MCM10: variants seen among roughly 807,000 people sequenced by gnomAD.
The protein encoded by MCM10 is minichromosome maintenance 10 replication initiation factor.
In MCM10, 91 loss-of-function variants were observed where a neutral mutation model predicts 109.9. The observed-to-expected ratio is 0.83, with a 90% confidence interval of 0.70 to 0.99. The LOEUF (loss-of-function observed/expected upper bound fraction) is 0.99, where lower values mean the gene tolerates loss of function less well. MCM10 is among the 50% of genes least tolerant of loss of function. The pLI is 0.00. For synonymous variants in MCM10, 380 were observed against 387.2 expected (o/e 0.98, Z 0.22); for missense variants, 1,077 against 1,061.2 (o/e 1.01, Z -0.21).
intron 2 of MCM10, among the ~76,000 whole-genome samples, chr10:13,170,270 GTTAT>G (rs1214950619): frequency 6.6e-6 from 1 of 152,108 alleles, no homozygotes; most frequent in Non-Finnish European, 1.5e-5. Flanking sequence ...TCTGGAAGGT[GTTAT>G]TTAATGTTAA....
At chr10:13,188,582 G>C (rs577067055) in intron 9 of MCM10, among the ~76,000 whole-genome samples, 17 of 152,040 alleles carry the variant, frequency 1.1e-4, no homozygotes, top group Non-Finnish European at 2.4e-4. Context: ...ATAGGACCTT[G>C]TGTGTCTGAC....
chr10:13,206,521 G>A (rs968708728), intron 18 of MCM10, among the ~76,000 whole-genome samples: 1 of 152,076 alleles, frequency 6.6e-6, no homozygotes. Context: ...CCAGGAAGCC[G>A]GGCTAGTTCA....
Position 13,171,451 on chromosome 10 carries a change from C to T in MCM10, c.349+188C>T, listed in dbSNP as rs369209149. 3.9e-5 allele frequency among the ~76,000 whole-genome samples: 6 copies of T among 152,304 alleles called. No individual in the cohort carries two copies. In the East Asian group the frequency reaches 1.2e-3, roughly 29 times the overall value. On this transcript the variant is annotated intron_variant, in intron 3 of 19. Transcript: ENST00000378714. ...GTTTGGGCCAGCATTTCAGCACAAA[C>T]TATAGACTCTATCAGTGTCAGCCAG...
Position 13,182,998 on chromosome 10 carries a change from C to G in MCM10, c.996C>G (p.Phe332Leu). Residue 332 changes from phenylalanine (F) to leucine (L), a missense_variant, in exon 8 of 20, where the codon TTC becomes TTG. By Grantham distance (22) the Phe-to-Leu change is conservative. Coordinates refer to ENST00000378714, the MANE Select transcript of MCM10 (RefSeq NM_018518.5). The surrounding 1 kb of genome is among the most constrained non-coding windows in gnomAD (Gnocchi z 4.2). Reference protein sequence around the residue: ...LRDLTQCVSLFLFGEVHKALW... With the variant: ...LRDLTQCVSLLLFGEVHKALW... The stretch of plus-strand genomic sequence containing the variant: ...ACCTGACACAATGTGTGTCCTTGTT[C>G]TTATTTGGAGAAGTTCACAAAGCGC... 1 of 1,614,072 alleles carries G rather than the reference C, an allele frequency of 6.2e-7. No homozygotes were observed. Among genetic ancestry groups the G allele is most frequent in the Non-Finnish European group, 8.5e-7 (1 of 1,180,014 alleles).
intron 14 of MCM10, among the ~76,000 whole-genome samples, chr10:13,196,237 G>C (rs532126256): frequency 5.3e-5 from 8 of 152,028 alleles, no homozygotes; most frequent in Middle Eastern, 3.4e-3. Flanking sequence ...TTACACAAAA[G>C]TCCAGTCCCA....
Position 13,180,597 on chromosome 10 carries a change from G to A in MCM10, c.920G>A (p.Ser307Asn). Residue 307 changes from serine to asparagine, a missense_variant, in exon 7 of 20, where the codon AGT (serine) becomes AAT (asparagine). By Grantham distance (46) the Ser-to-Asn change is conservative (BLOSUM62 1). Coordinates refer to ENST00000378714, the MANE Select transcript of MCM10 (RefSeq NM_018518.5). Reference sequence around the variant, plus strand: ...ATATTGAAGAAGGTTACGCCACAGAGTGTGAATAGTGTAAGCCATTGTATT... The same window carrying A: ...ATATTGAAGAAGGTTACGCCACAGAATGTGAATAGTGTAAGCCATTGTATT... ...GVILKKVTPQ[S>N]VNSGKTFSIW... The A allele has an allele frequency of 2.5e-6, 4 of 1,614,124 alleles. No homozygotes were observed. Among genetic ancestry groups the A allele is most frequent in the Non-Finnish European group, 3.4e-6 (4 of 1,180,020 alleles).
intron 16 of MCM10, 89 bp downstream of exon 16, chr10:13,198,896 GT>G: frequency 2.4e-6 from 2 of 843,718 alleles, no homozygotes; most frequent in Non-Finnish European, 3.8e-6. Context: ...TGTGTTGTTT[GT>G]TTTATTTTGT....
intron 7 of MCM10, among the ~76,000 whole-genome samples, chr10:13,180,941 G>A (rs1290298413): frequency 1.3e-5 from 2 of 152,190 alleles, no homozygotes; most frequent in African/African-American, 4.8e-5. Flanking sequence ...AACCAAAGAG[G>A]CTGAGCTCAC....
At chr10:13,168,106 C>T (rs1483158036) in intron 2 of MCM10, among the ~76,000 whole-genome samples, 1 of 152,186 alleles carries the variant, frequency 6.6e-6, no homozygotes, top group African/African-American at 2.4e-5. Flanking sequence ...CCACCTGTGG[C>T]CCCCAGTGGT....
In MCM10 at chr10:13,209,646, T is replaced by G. The variant is rs1834632359; in HGVS notation, c.*336T>G. Reference sequence around the variant, plus strand: ...TTTTGGTTATAGAGTGTTCACTTCTTTATCATAACAAAATTCTAGTGTTTA... The same window carrying G: ...TTTTGGTTATAGAGTGTTCACTTCTGTATCATAACAAAATTCTAGTGTTTA... On this transcript the variant is annotated 3_prime_UTR_variant, in exon 20 of 20. Coordinates refer to ENST00000378714, the MANE Select transcript of MCM10 (RefSeq NM_018518.5). 1.2e-5 allele frequency: 3 copies of G among 259,652 alleles called. No homozygotes were observed. The South Asian group carries it at 2.1e-4, about 19-fold the overall frequency. The allele number at this position is 259,652 out of a possible 1,614,324, so 16.1% of individuals were successfully genotyped here.
rs766602619 is a variant in MCM10 at position 13,188,975 on chromosome 10, G to A, written c.1310G>A (p.Arg437Gln). The part of the protein sequence containing the change: ...ADLQSTFSGG[R>Q]IPKKFARRGT... ...CTGCAGTCCACCTTCTCTGGAGGACGAATTCCAAAGAAGTTTGCCCGCAGA... is the reference window on the plus strand; with the variant it reads ...CTGCAGTCCACCTTCTCTGGAGGACAAATTCCAAAGAAGTTTGCCCGCAGA... The change falls in exon 10 of 20, where the codon CGA becomes CAA. Residue 437 changes from arginine (R) to glutamine (Q), a missense_variant. Transcript: ENST00000378714. 3.7e-6 allele frequency: 6 copies of A among 1,614,202 alleles called. No homozygotes were observed. The highest frequency in any genetic ancestry group is 3.3e-5 in the Admixed American group (2 of 60,004).
At chr10:13,170,801 A>T (rs1052174924) in intron 2 of MCM10, 121 bp from the exon 3 acceptor site, 4 of 722,840 alleles carry the variant, frequency 5.5e-6, no homozygotes, top group Non-Finnish European at 9.1e-6. Context: ...TCACCCAGGT[A>T]ATGAGCATTG....
intron 13 of MCM10, among the ~76,000 whole-genome samples, chr10:13,193,620 C>A (rs188426411): frequency 0.017 from 2,650 of 152,192 alleles, 62 homozygotes; most frequent in African/African-American, 0.047. Context: ...AATGATAAGA[C>A]AAGAGGAAAT....
At chr10:13,169,997 C>A (rs530683796) in intron 2 of MCM10, among the ~76,000 whole-genome samples, 2 of 152,234 alleles carry the variant, frequency 1.3e-5, no homozygotes, top group Non-Finnish European at 2.9e-5. Flanking sequence ...TGAGCCACCA[C>A]GCCTGGCTAG....
Position 13,182,822 on chromosome 10 carries a change from T to C in MCM10, c.931-111T>C. ...ATATTTGAATAACAACAAAAAAACT[T>C]GGATTTTATGGATTATAGGCATATA... On this transcript the variant is annotated intron_variant, in intron 7 of 19. Transcript: ENST00000378714. The surrounding 1 kb of genome is among the most constrained non-coding windows in gnomAD (Gnocchi z 4.2). The C allele has an allele frequency of 1.3e-6, 1 of 773,692 alleles. No homozygotes were observed. Among genetic ancestry groups the C allele is most frequent in the Non-Finnish European group, 2.0e-6 (1 of 497,810 alleles). 47.9% of individuals were successfully genotyped at this position (773,692 alleles called of 1,614,324 possible). A position where few individuals can be genotyped will look rare whatever the true frequency, so the allele number is the denominator to read the frequency against.
At position 13,210,968 on chromosome 10, in the gene MCM10, G is replaced by A. The variant is rs1322762280; in HGVS notation, c.*1658G>A. ...AAAACAATGTTCTTGTTTGAACAGA[G>A]GGTATCATTGCAGTCAGTATTCACG... On this transcript the variant is annotated 3_prime_UTR_variant, in exon 20 of 20. Transcript: ENST00000378714. The A allele has an allele frequency of 2.0e-5, 3 of 152,130 alleles. No individual in the cohort carries two copies. Among genetic ancestry groups the A allele is most frequent in the Admixed American group, 1.3e-4 (2 of 15,276 alleles). The allele number at this position is 152,130 out of a possible 1,614,324, so 9.4% of individuals were successfully genotyped here.
Position 13,182,146 on chromosome 10 carries a change from A to G in MCM10, c.931-787A>G, listed in dbSNP as rs924261423. Among the ~76,000 whole-genome samples, 2 of 152,184 alleles carry G rather than the reference A, an allele frequency of 1.3e-5. No homozygotes were observed. Among genetic ancestry groups the G allele is most frequent in the African/African-American group, 2.4e-5 (1 of 41,458 alleles). On this transcript the variant is annotated intron_variant, in intron 7 of 19. Coordinates refer to ENST00000378714, the MANE Select transcript of MCM10 (RefSeq NM_018518.5). The surrounding 1 kb of genome is among the most constrained non-coding windows in gnomAD (Gnocchi z 4.2). Reference sequence around the variant, plus strand: ...CTTTTGTAAGCTAAGCAGAGATGTAATAGCCTAGAAAGGAAACTTCTTTTT... The same window carrying G: ...CTTTTGTAAGCTAAGCAGAGATGTAGTAGCCTAGAAAGGAAACTTCTTTTT...
Position 13,199,096 on chromosome 10 carries a change from G to A in MCM10, c.2238+289G>A, listed in dbSNP as rs558302386. Among the ~76,000 whole-genome samples, 4 of 152,244 alleles carry A rather than the reference G, an allele frequency of 2.6e-5. No individual in the cohort carries two copies. In the East Asian group the frequency reaches 5.8e-4, roughly 22 times the overall value. ...TTTTTAGTAGGGACAGAGTTTCACCGTGTTGGCCAGGCTGATCTCTAACTC... is the reference window on the plus strand; with the variant it reads ...TTTTTAGTAGGGACAGAGTTTCACCATGTTGGCCAGGCTGATCTCTAACTC... On this transcript the variant is annotated intron_variant, in intron 16 of 19. Coordinates refer to ENST00000378714, the MANE Select transcript of MCM10 (RefSeq NM_018518.5).
At chr10:13,191,486 A>G (rs1834346561) in intron 11 of MCM10, 87 bp downstream of exon 11, 7 of 1,037,246 alleles carry the variant, frequency 6.7e-6, no homozygotes, top group South Asian at 2.6e-5. Flanking sequence ...GGTACAGGGT[A>G]CACTGCTCCG....
Sources: allele counts gnomAD v4.1 joint callset (sites outside exome capture counted in the v4.1 genomes callset), GRCh38; gene constraint gnomAD v4.1.1; non-coding constraint Gnocchi (gnomAD v3.1); transcripts MANE v1.5; gene names NCBI Gene and HGNC (gene_info 2026-07-23, HGNC 2026-07-21).